The following MYH13 variants were observed in gnomAD, a reference collection of about 807,000 sequenced individuals.
MYH13 encodes myosin-13.
A neutral mutation model predicts 232.1 loss-of-function variants in MYH13; 177 were observed. That is an observed-to-expected ratio of 0.76 (90% confidence interval 0.67 to 0.86). The LOEUF (loss-of-function observed/expected upper bound fraction) is 0.86. MYH13 is among the 40% of genes least tolerant of loss of function. The pLI, the probability that MYH13 is intolerant of heterozygous loss-of-function variation, is 0.00. For missense variants in MYH13, 2,246 were observed against 2,405.9 expected, an observed-to-expected ratio of 0.93 and a Z score of 1.39; for synonymous variants, 884 against 923.5, an observed-to-expected ratio of 0.96 and a Z score of 0.78.
At chr17:10,343,012 C>T (rs1358151062) in intron 16 of MYH13, among the ~76,000 whole-genome samples, 1 of 150,958 alleles carries the variant, frequency 6.6e-6, no homozygotes, top group Non-Finnish European at 1.5e-5. Flanking sequence ...ATCGCTTGAA[C>T]CCAGGAGGCA....
intron 20 of MYH13, among the ~76,000 whole-genome samples, chr17:10,331,306 G>A (rs1394501528): frequency 6.6e-6 from 1 of 152,174 alleles, no homozygotes; most frequent in African/African-American, 2.4e-5. Flanking sequence ...GGGGCCAGCA[G>A]GCTCTTCCTT....
chr17:10,307,012 C>A lies in MYH13; in HGVS notation c.5222G>T (p.Cys1741Phe). 2 of 1,614,032 alleles carry A rather than the reference C, an allele frequency of 1.2e-6. No homozygotes were observed. The highest frequency in any genetic ancestry group is 1.7e-6 in the Non-Finnish European group (2 of 1,179,902). Residue 1741 changes from cysteine to phenylalanine, a missense_variant, in exon 36 of 41, where the codon TGC becomes TTC. By Grantham distance (205) the Cys-to-Phe change is radical. Coordinates refer to ENST00000252172, the MANE Select transcript of MYH13 (RefSeq NM_003802.3). ...KKKLEADIAQCQAEVENSIQE... is the reference protein window; with the variant it reads ...KKKLEADIAQFQAEVENSIQE... ...GATCGAGTTCTCCACCTCTGCCTGGCACTGAGCTATGTCAGCCTCCAGTTT... is the reference window on the plus strand; with the variant it reads ...GATCGAGTTCTCCACCTCTGCCTGGAACTGAGCTATGTCAGCCTCCAGTTT...
At position 10,340,256 on chromosome 17, in the gene MYH13, C is replaced by T. The variant is rs369913994; in HGVS notation, c.1969-19G>A. 34 of 1,613,602 alleles carry T rather than the reference C, an allele frequency of 2.1e-5. No homozygotes were observed. Among genetic ancestry groups the T allele is most frequent in the Non-Finnish European group, 2.8e-5 (33 of 1,179,644 alleles). ...AATTTTCCTGGGACATAAACCAAAA[C>T]AAGCACATTTAGCAACTGCCATTTC... On this transcript the variant is annotated intron_variant, in intron 17 of 40. Transcript: ENST00000252172.
chr17:10,320,690 A>C (rs556187989), intron 24 of MYH13, among the ~76,000 whole-genome samples, 194 bp from the exon 25 acceptor site: 1 of 152,290 alleles, frequency 6.6e-6, no homozygotes, highest in African/African-American at 2.4e-5. Flanking sequence ...AAGACTACCC[A>C]GGGTGGGGCT....
In MYH13 at chr17:10,324,232, C is replaced by G; in HGVS notation, c.2724G>C (p.Arg908=). 1 of 1,613,982 alleles carries G rather than the reference C, an allele frequency of 6.2e-7. No individual in the cohort carries two copies. The highest frequency in any genetic ancestry group is 2.2e-5 in the East Asian group (1 of 44,876). ...ETENLMDAEE[R]CEGLIKSKIL... ...TCTTGCTTTTGATGAGTCCTTCACACCGTTCCTCAGCGTCCATCAGATTTT... is the reference window on the plus strand; with the variant it reads ...TCTTGCTTTTGATGAGTCCTTCACAGCGTTCCTCAGCGTCCATCAGATTTT... Residue 908 remains arginine, a synonymous_variant, in exon 23 of 41, where the codon CGG becomes CGC. Transcript: ENST00000252172.
rs1170535560 is a variant in MYH13, at chr17:10,354,695, T to A, written c.990A>T (p.Glu330Asp). The A allele has an allele frequency of 4.3e-6, 7 of 1,613,418 alleles. No homozygotes were observed. Among genetic ancestry groups the A allele is most frequent in the Admixed American group, 1.7e-5 (1 of 59,992 alleles). Residue 330 changes from glutamate to aspartate, a missense_variant, in exon 11 of 41, where the codon GAA (glutamate) becomes GAT (aspartate). Transcript: ENST00000252172. The stretch of plus-strand genomic sequence containing the variant: ...GCATGCTTACATCTGTCGCCAGCAG[T>A]TCTTCACTGTCATCGATACTGGCTA... ...VTVASIDDSE[E>D]LLATDNAIDI...
chr17:10,328,060 A>G lies in MYH13; in HGVS notation c.2497T>C (p.Trp833Arg). ...RSFMNVKHWP[W>R]MNLFFKIKPL... ...TTGATTTTGAAGAACAGGTTCATCC[A>G]GGGCCAGTGCTTGACGTTCATAAAA... The change falls in exon 22 of 41, where the codon TGG (tryptophan) becomes CGG (arginine). Residue 833 changes from tryptophan (W) to arginine (R), a missense_variant. Trp to Arg is a moderately radical substitution (Grantham distance 101, BLOSUM62 -3). Transcript: ENST00000252172. The G allele has an allele frequency of 5.6e-6, 9 of 1,614,192 alleles. No individual in the cohort carries two copies. Among genetic ancestry groups the G allele is most frequent in the Non-Finnish European group, 7.6e-6 (9 of 1,180,028 alleles).
chr17:10,346,965 C>A (rs1351736758), intron 12 of MYH13, among the ~76,000 whole-genome samples, 167 bp from the exon 13 acceptor site: 3 of 152,196 alleles, frequency 2.0e-5, no homozygotes, highest in Non-Finnish European at 4.4e-5. Flanking sequence ...AATCCCATAT[C>A]CAGGGGCCCA....
chr17:10,358,988 T>C (rs991355723), intron 7 of MYH13, among the ~76,000 whole-genome samples: 3 of 152,226 alleles, frequency 2.0e-5, no homozygotes, highest in Admixed American at 2.0e-4. Context: ...AGAACTCAAG[T>C]CCATTCTGGT....
At chr17:10,340,463 T>A in intron 16 of MYH13, 62 bp from the exon 17 acceptor site, 1 of 1,341,216 alleles carries the variant, frequency 7.5e-7, no homozygotes, top group Non-Finnish European at 1.0e-6. Context: ...GTGGGCTTCC[T>A]GAACCACCTG....
intron 22 of MYH13, among the ~76,000 whole-genome samples, chr17:10,326,495 G>C (rs993049042): frequency 4.7e-5 from 7 of 149,128 alleles, no homozygotes; most frequent in Non-Finnish European, 8.9e-5. Flanking sequence ...TTTTTGAGAC[G>C]GAGTCTTGCT....
At position 10,347,365 on chromosome 17, in the gene MYH13, C is replaced by CA. The variant is rs563085495; in HGVS notation, c.1145-568dup. ...GGGTGACAAGAGCAAGACTCCGACTCAAAAAAAAAATTAATTAATTACATA... is the reference window on the plus strand; with the variant it reads ...GGGTGACAAGAGCAAGACTCCGACTCAAAAAAAAAAATTAATTAATTACATA... On this transcript the variant is annotated intron_variant, in intron 12 of 40. Coordinates refer to ENST00000252172, the MANE Select transcript of MYH13 (RefSeq NM_003802.3). 6.8e-5 allele frequency among the ~76,000 whole-genome samples: 10 copies of CA among 147,542 alleles called. No homozygotes were observed. In the East Asian group the frequency reaches 7.9e-4, roughly 12 times the overall value.
At chr17:10,339,370 G>C (rs2071603405) in intron 18 of MYH13, among the ~76,000 whole-genome samples, 1 of 152,294 alleles carries the variant, frequency 6.6e-6, no homozygotes. Flanking sequence ...TATTGCACAG[G>C]GTTCTGTATT....
At chr17:10,355,252 C>G in intron 8 of MYH13, 105 bp from the exon 9 acceptor site, 1 of 1,231,238 alleles carries the variant, frequency 8.1e-7, no homozygotes, top group Non-Finnish European at 1.2e-6. Flanking sequence ...TGCAAAAATG[C>G]TAGAGAACAG....
chr17:10,344,433 A>G (rs2071644789), intron 15 of MYH13, among the ~76,000 whole-genome samples: 1 of 152,206 alleles, frequency 6.6e-6, no homozygotes, highest in African/African-American at 2.4e-5. Context: ...TATTTTGAAC[A>G]ATAATGTCCC....
rs907678276 is a variant in MYH13 at position 10,352,339 on chromosome 17, C to T, written c.1006-1645G>A. Among the ~76,000 whole-genome samples, 7 of 152,214 alleles carry T rather than the reference C, an allele frequency of 4.6e-5. 2 individuals are homozygous for T. The highest frequency in any genetic ancestry group is 2.1e-4 in the South Asian group (1 of 4,816). On this transcript the variant is annotated intron_variant, in intron 11 of 40. Transcript: ENST00000252172. ...AGGCGCGGTAGCTCACATCTGTAAT[C>T]CCAGCACTTTGGAAGGCCGAGGTGG...
chr17:10,331,684 C>T (rs556785001), intron 20 of MYH13, among the ~76,000 whole-genome samples: 1 of 152,250 alleles, frequency 6.6e-6, no homozygotes, highest in South Asian at 2.1e-4. Flanking sequence ...TCAAGAAATC[C>T]TACTTCAGCC....
intron 23 of MYH13, among the ~76,000 whole-genome samples, chr17:10,323,776 AAAAAAAAAAAAAAG>A (rs1332262781): frequency 4.1e-4 from 42 of 103,212 alleles, no homozygotes; most frequent in Admixed American, 2.2e-3. Flanking sequence ...AAAAAAAAAA[AAAAAAAAAAAAAAG>A]AAGAAGAAGA....
At chr17:10,323,628 G>A (rs1350849622) in intron 23 of MYH13, among the ~76,000 whole-genome samples, 6 of 151,786 alleles carry the variant, frequency 4.0e-5, no homozygotes, top group South Asian at 2.1e-4. Flanking sequence ...GCATGGTGGT[G>A]TGTGCCTGTA....
Sources: gnomAD v4.1 joint callset for allele counts (sites outside exome capture counted in the v4.1 genomes callset) on GRCh38, gnomAD v4.1.1 for gene constraint, MANE v1.5 for transcripts, NCBI Gene and HGNC (gene_info 2026-07-23, HGNC 2026-07-21) for gene names.